TTC7A: variants seen among roughly 807,000 people sequenced by gnomAD.
TTC7A encodes the protein tetratricopeptide repeat protein 7A.
TTC7A carries 110 observed loss-of-function variants against 103.7 expected under a neutral mutation model. The ratio of observed to expected loss-of-function variants is 1.06; its 90% CI spans 0.91 to 1.24. TTC7A has a LOEUF of 1.24. TTC7A is among the 50% of genes most tolerant of loss of function. TTC7A has a pLI of 0.00. For synonymous variants in TTC7A, 521 were observed against 467.9 expected (o/e 1.11, Z -1.47); for missense variants, 1,340 against 1,116.3 (o/e 1.20, Z -2.86).
chr2:47,072,632 C>T lies in TTC7A; in HGVS notation c.2356-1070C>T, dbSNP rs567719356. ...GAGGGGGCTCCAGGCACATAGAAGG[C>T]AGCTCCCCACCCCCACTGCGGCCCC... On this transcript the variant is annotated intron_variant, in intron 19 of 19. Transcript: ENST00000319190. Among the ~76,000 whole-genome samples the T allele has an allele frequency of 9.2e-5, 14 of 152,278 alleles. No individual in the cohort carries two copies. The South Asian group carries it at 2.9e-3, about 32-fold the overall frequency.
chr2:47,017,683 G>A (rs1015140334), intron 11 of TTC7A, among the ~76,000 whole-genome samples: 10 of 152,174 alleles, frequency 6.6e-5, no homozygotes, highest in African/African-American at 1.4e-4. Context: ...TGGACTGTGC[G>A]GGCCTGCGGA....
chr2:46,978,948 C>T, intron 5 of TTC7A, 41 bp downstream of exon 5: 1 of 1,460,054 alleles, frequency 6.8e-7, no homozygotes, highest in Non-Finnish European at 9.6e-7. Context: ...AACGATTCCC[C>T]TGGGCTGAGG....
intron 14 of TTC7A, among the ~76,000 whole-genome samples, chr2:47,026,338 G>A (rs988257745): frequency 6.6e-6 from 1 of 152,250 alleles, no homozygotes; most frequent in Non-Finnish European, 1.5e-5. Flanking sequence ...AGCCGAGCCA[G>A]TGGCCCCACT....
chr2:47,003,101 C>G (rs1378874091), intron 8 of TTC7A, among the ~76,000 whole-genome samples: 2 of 152,242 alleles, frequency 1.3e-5, no homozygotes, highest in African/African-American at 2.4e-5. Context: ...AATTCAGACA[C>G]TGTTCTCTTA....
chr2:46,949,413 A>G (rs1671213649), intron 1 of TTC7A, among the ~76,000 whole-genome samples: 1 of 151,912 alleles, frequency 6.6e-6, no homozygotes, highest in South Asian at 2.1e-4. Context: ...TTGCATTTTT[A>G]GTGGAGACAG....
intron 10 of TTC7A, among the ~76,000 whole-genome samples, chr2:47,010,117 A>G (rs900333289): frequency 2.6e-5 from 4 of 152,166 alleles, no homozygotes; most frequent in Non-Finnish European, 5.9e-5. Context: ...GAGTATCTGC[A>G]TCATAAGATT....
chr2:47,028,154 A>G (rs1022997969), intron 14 of TTC7A, among the ~76,000 whole-genome samples: 1 of 152,122 alleles, frequency 6.6e-6, no homozygotes, highest in African/African-American at 2.4e-5. Context: ...TCTCTTCAGG[A>G]AAGGGCTCCT....
chr2:46,946,320 G>A (rs7568621), intron 1 of TTC7A, among the ~76,000 whole-genome samples: 1,602 of 152,330 alleles, frequency 0.011, 34 homozygotes, highest in African/African-American at 0.036. Flanking sequence ...CCAGAACTGG[G>A]ATAGGTAGTA....
intron 3 of TTC7A, among the ~76,000 whole-genome samples, chr2:46,960,368 C>T (rs538744855): frequency 4.6e-5 from 7 of 152,332 alleles, no homozygotes; most frequent in African/African-American, 1.2e-4. Context: ...TCCCCAGTAC[C>T]AATTTCCTGA....
At chr2:47,051,527 G>C (rs139592802) in intron 17 of TTC7A, among the ~76,000 whole-genome samples, 1,735 of 152,328 alleles carry the variant, frequency 0.011, 12 homozygotes, top group South Asian at 0.032. Flanking sequence ...ATCTCTGCCT[G>C]ATTTTCCTCC....
chr2:46,948,994 A>G (rs1026245614), intron 1 of TTC7A, among the ~76,000 whole-genome samples: 2 of 152,220 alleles, frequency 1.3e-5, no homozygotes, highest in Admixed American at 6.5e-5. Context: ...TTCACTCAAC[A>G]GGTATTTACT....
At chr2:46,967,771 A>T (rs1365331554) in intron 3 of TTC7A, among the ~76,000 whole-genome samples, 1 of 152,160 alleles carries the variant, frequency 6.6e-6, no homozygotes, top group East Asian at 1.9e-4. Flanking sequence ...TTTTGGGTAT[A>T]TACCTGGAAG....
At position 47,034,690 on chromosome 2, in the gene TTC7A, G is replaced by A. The variant is rs921634125; in HGVS notation, c.1802+5306G>A. ...AGCCCAGGCCATACATAGGTCAAGG[G>A]AAGAACAAACAATTTCCCCTTCCCC... On this transcript the variant is annotated intron_variant, in intron 15 of 19. Coordinates refer to ENST00000319190, the MANE Select transcript of TTC7A (RefSeq NM_020458.4). 7.9e-5 allele frequency among the ~76,000 whole-genome samples: 12 copies of A among 152,162 alleles called. 1 individual carries two copies. The highest frequency in any genetic ancestry group is 1.3e-4 in the Admixed American group (2 of 15,286).
intron 19 of TTC7A, among the ~76,000 whole-genome samples, chr2:47,070,078 G>A (rs1319425778): frequency 6.6e-6 from 1 of 152,216 alleles, no homozygotes; most frequent in African/African-American, 2.4e-5. Context: ...CTCAAAGGAA[G>A]AAGAAGCATG....
chr2:46,982,810 A>T (rs1484975913), intron 5 of TTC7A, among the ~76,000 whole-genome samples: 7 of 151,946 alleles, frequency 4.6e-5, no homozygotes, highest in African/African-American at 1.5e-4. Context: ...AAAAAAAATT[A>T]TTTTTAATTA....
In TTC7A at chr2:46,966,806, T is replaced by C. The variant is rs868189817; in HGVS notation, c.518-8167T>C. Reference sequence around the variant, plus strand: ...CACCCCCAGCTTTTTTTTTTTTTTTTCGAAGATAAATTCCTAGAAAGTAGA... The same window carrying C: ...CACCCCCAGCTTTTTTTTTTTTTTTCCGAAGATAAATTCCTAGAAAGTAGA... On this transcript the variant is annotated intron_variant, in intron 3 of 19. Coordinates refer to ENST00000319190, the MANE Select transcript of TTC7A (RefSeq NM_020458.4). Among the ~76,000 whole-genome samples the C allele has an allele frequency of 1.8e-3, 259 of 142,232 alleles. 2 individuals carry two copies. Among genetic ancestry groups the C allele is most frequent in the African/African-American group, 6.3e-3 (243 of 38,852 alleles). 93.3% of individuals were successfully genotyped at this position (142,232 alleles called of 152,430 possible). A position where few individuals can be genotyped will look rare whatever the true frequency, so the allele number is the denominator to read the frequency against.
intron 2 of TTC7A, among the ~76,000 whole-genome samples, chr2:46,924,076 G>A (rs560072228): frequency 1.3e-5 from 2 of 151,926 alleles, no homozygotes; most frequent in Non-Finnish European, 2.9e-5. Flanking sequence ...GTGGTGGTGT[G>A]GGCCTGTAGT....
In TTC7A at chr2:46,978,860, C is replaced by A. The variant is rs865860442; in HGVS notation, c.717C>A (p.Phe239Leu). Residue 239 changes from phenylalanine to leucine, a missense_variant, in exon 5 of 20, where the codon TTC becomes TTA. Physicochemically the swap from Phe to Leu is conservative, Grantham distance 22 (BLOSUM62 0). Coordinates refer to ENST00000319190, the MANE Select transcript of TTC7A (RefSeq NM_020458.4). ...CHPLDYELTY[F>L]LEAALQSAYV... is the part of the protein sequence containing the mutation. ...CGCTTGACTATGAGCTCACCTACTT[C>A]CTGGAAGCTGCCCTCCAGAGCGCCT... The A allele has an allele frequency of 6.2e-7, 1 of 1,614,116 alleles. No homozygotes were observed. The highest frequency in any genetic ancestry group is 8.5e-7 in the Non-Finnish European group (1 of 1,180,016).
At chr2:46,924,206 TAA>T (rs34177384) in intron 2 of TTC7A, among the ~76,000 whole-genome samples, 4 of 128,750 alleles carry the variant, frequency 3.1e-5, no homozygotes, top group African/African-American at 5.7e-5. Flanking sequence ...CCTGTCTCTT[TAA>T]AAAAAAAAAA....
Sources: gnomAD v4.1 joint callset for allele counts (sites outside exome capture counted in the v4.1 genomes callset) on GRCh38, gnomAD v4.1.1 for gene constraint, MANE v1.5 for transcripts, NCBI Gene and HGNC (gene_info 2026-07-23, HGNC 2026-07-21) for gene names.